The following FRMD4A variants were observed in gnomAD, a reference collection of about 807,000 sequenced individuals.
The protein encoded by FRMD4A is FERM domain containing 4A.
FRMD4A carries 29 observed loss-of-function variants against 129.1 expected under a neutral mutation model. The observed-to-expected ratio is 0.22, with a 90% confidence interval of 0.17 to 0.31. The LOEUF is 0.31. Ranked by LOEUF, FRMD4A falls within the 10% of genes least tolerant of loss-of-function variation. The pLI, the probability that FRMD4A is intolerant of heterozygous loss-of-function variation, is 1.00. For synonymous variants in FRMD4A, 634 were observed against 571.6 expected, an observed-to-expected ratio of 1.11 and a Z score of -1.56; for missense variants, 1,272 against 1,375.8, an observed-to-expected ratio of 0.92 and a Z score of 1.19.
chr10:14,182,356 A>AT (rs1841940558), intron 2 of FRMD4A, among the ~76,000 whole-genome samples: 1 of 152,178 alleles, frequency 6.6e-6, no homozygotes, highest in Non-Finnish European at 1.5e-5. Context: ...CTTGGGTAAC[A>AT]TAAGAAGACA....
At chr10:13,877,845 TG>T (rs1371489646) in intron 2 of FRMD4A, among the ~76,000 whole-genome samples, 1 of 152,168 alleles carries the variant, frequency 6.6e-6, no homozygotes, top group Non-Finnish European at 1.5e-5. Context: ...CCTGGGCGCC[TG>T]GTCCAGTGTC....
At chr10:14,286,919 CA>C (rs1432695431) in intron 2 of FRMD4A, among the ~76,000 whole-genome samples, 1 of 151,802 alleles carries the variant, frequency 6.6e-6, no homozygotes, top group Non-Finnish European at 1.5e-5. Context: ...CTGAGGCCAC[CA>C]AAAGAAGTGA....
intron 12 of FRMD4A, among the ~76,000 whole-genome samples, chr10:13,731,693 T>A (rs577020920): frequency 7.3e-5 from 11 of 150,034 alleles, no homozygotes; most frequent in African/African-American, 2.7e-4. Flanking sequence ...CCTCAGATAG[T>A]GTTTAGGGTT....
intron 2 of FRMD4A, among the ~76,000 whole-genome samples, chr10:13,931,951 A>AAACCAACCAACCAACC (rs376187231): frequency 4.7e-4 from 52 of 111,464 alleles, no homozygotes; most frequent in African/African-American, 1.8e-3. Flanking sequence ...TCTGTCTCAA[A>AAACCAACCAACCAACC]AACCAACCAA....
intron 2 of FRMD4A, among the ~76,000 whole-genome samples, chr10:14,110,558 G>A (rs190726738): frequency 4.6e-5 from 7 of 152,136 alleles, no homozygotes; most frequent in East Asian, 1.9e-4. Flanking sequence ...TTATTGAGAC[G>A]GCAAGACTGG....
At chr10:14,116,540 C>T (rs755894248) in intron 2 of FRMD4A, among the ~76,000 whole-genome samples, 5 of 152,120 alleles carry the variant, frequency 3.3e-5, no homozygotes, top group African/African-American at 7.2e-5. Context: ...AAAGGCTTGA[C>T]AGCTGAGATG....
intron 2 of FRMD4A, among the ~76,000 whole-genome samples, chr10:14,001,298 T>C (rs780884028): frequency 6.6e-6 from 1 of 152,158 alleles, no homozygotes; most frequent in Non-Finnish European, 1.5e-5. Flanking sequence ...TTGAAAAGCA[T>C]TGTTTTAACA....
intron 2 of FRMD4A, among the ~76,000 whole-genome samples, chr10:14,072,690 T>C (rs1481916244): frequency 6.6e-6 from 1 of 151,896 alleles, no homozygotes; most frequent in Non-Finnish European, 1.5e-5. Context: ...AAGGGGAGGG[T>C]TTTTTTAGAA....
At chr10:13,823,392 T>C (rs943969989) in intron 3 of FRMD4A, among the ~76,000 whole-genome samples, 1 of 152,168 alleles carries the variant, frequency 6.6e-6, no homozygotes, top group Admixed American at 6.5e-5. Context: ...TCTGCATTAA[T>C]GAAATGATAA....
chr10:13,767,946 T>A (rs537528740), intron 6 of FRMD4A, among the ~76,000 whole-genome samples: 5 of 152,256 alleles, frequency 3.3e-5, no homozygotes, highest in African/African-American at 1.2e-4. Context: ...GGAGGAAGTG[T>A]AAGGTCCTTT....
intron 2 of FRMD4A, among the ~76,000 whole-genome samples, chr10:14,286,125 C>A (rs980621581): frequency 1.3e-5 from 2 of 152,194 alleles, no homozygotes; most frequent in Admixed American, 1.3e-4. Flanking sequence ...AAAGTGTTGA[C>A]ATTCTCTCAT....
chr10:14,048,892 GAATAGAATAGAAAAT>G lies in FRMD4A; in HGVS notation c.46-189995_46-189981del, dbSNP rs1234747455. On this transcript the variant is annotated intron_variant, in intron 2 of 24. Coordinates refer to ENST00000357447, the MANE Select transcript of FRMD4A (RefSeq NM_018027.5). The stretch of plus-strand genomic sequence containing the variant: ...GAATAGAATAGAATAGAATAGAATA[GAATAGAATAGAAAAT>G]AAAATGAAATATGGTGGGAGTAGGA... Among the ~76,000 whole-genome samples, 602 of 97,224 alleles carry G rather than the reference GAATAGAATAGAAAAT, an allele frequency of 6.2e-3. 9 individuals carry two copies. In the East Asian group the frequency reaches 0.064, roughly 10 times the overall value. The allele number at this position is 97,224 out of a possible 152,430, so 63.8% of individuals were successfully genotyped here. A position where few individuals can be genotyped will look rare whatever the true frequency, so the allele number is the denominator to read the frequency against.
intron 2 of FRMD4A, among the ~76,000 whole-genome samples, chr10:13,923,842 G>A (rs2698118): frequency 0.75 from 114,274 of 152,104 alleles, 43,659 homozygotes; most frequent in East Asian, 0.92. Context: ...GCCAGCCCTG[G>A]GGAGGAATGG....
intron 2 of FRMD4A, among the ~76,000 whole-genome samples, chr10:13,877,590 AG>A (rs1187884331): frequency 6.6e-6 from 1 of 152,188 alleles, no homozygotes; most frequent in Non-Finnish European, 1.5e-5. Context: ...GTGCTTCCAT[AG>A]GGGGAAGTTT....
chr10:13,653,312 G>C (rs781603962), intron 23 of FRMD4A: 10 of 152,250 alleles, frequency 6.6e-5, no homozygotes, highest in South Asian at 6.2e-4. Context: ...TCAGGAGTTC[G>C]AGACCAGCCT....
intron 2 of FRMD4A, among the ~76,000 whole-genome samples, chr10:14,061,412 T>C (rs1834807592): frequency 6.6e-6 from 1 of 152,158 alleles, no homozygotes; most frequent in Admixed American, 6.6e-5. Context: ...GATTCCAGTC[T>C]GAGCGACAGA....
chr10:13,706,356 A>G (rs1291976201), intron 13 of FRMD4A, among the ~76,000 whole-genome samples: 2 of 152,224 alleles, frequency 1.3e-5, no homozygotes, highest in African/African-American at 2.4e-5. Flanking sequence ...TGAGCTGCCC[A>G]GACCCCAGCC....
intron 2 of FRMD4A, among the ~76,000 whole-genome samples, chr10:14,322,253 C>T (rs1287589166): frequency 6.6e-6 from 1 of 152,070 alleles, no homozygotes; most frequent in Non-Finnish European, 1.5e-5. Context: ...AGCAGCATGG[C>T]CCATGACTAG....
intron 6 of FRMD4A, among the ~76,000 whole-genome samples, chr10:13,766,667 G>A (rs959532782): frequency 5.9e-5 from 9 of 152,114 alleles, no homozygotes; most frequent in Admixed American, 2.0e-4. Context: ...TCATGATACT[G>A]TTTCCCCCTT....
Sources: allele counts gnomAD v4.1 joint callset (sites outside exome capture counted in the v4.1 genomes callset), GRCh38; gene constraint gnomAD v4.1.1; transcripts MANE v1.5; gene names NCBI Gene and HGNC (gene_info 2026-07-23, HGNC 2026-07-21).